COL4A2: variants seen among roughly 807,000 people sequenced by gnomAD.
COL4A2 encodes collagen alpha-2(IV) chain.
Under a neutral mutation model 200.2 loss-of-function variants are expected in COL4A2, and 99 were observed. That is an observed-to-expected ratio of 0.49 (90% confidence interval 0.42 to 0.58). The LOEUF (loss-of-function observed/expected upper bound fraction) is 0.58, where lower values mean the gene tolerates loss of function less well. Ranked by LOEUF, COL4A2 falls within the 20% of genes least tolerant of loss-of-function variation. The probability of loss-of-function intolerance (pLI) is 0.00; values close to 1 mark genes in which losing one functional copy is unlikely to be tolerated. For synonymous variants in COL4A2, 897 were observed against 900.6 expected, an observed-to-expected ratio of 1.00 and a Z score of 0.07; for missense variants, 1,950 against 2,314.1, an observed-to-expected ratio of 0.84 and a Z score of 3.23.
At chr13:110,335,702 A>C (rs1203343083) in intron 3 of COL4A2, among the ~76,000 whole-genome samples, 2 of 152,214 alleles carry the variant, frequency 1.3e-5, no homozygotes, top group Non-Finnish European at 2.9e-5. Flanking sequence ...CCATCACATG[A>C]CAAGGCTTGG....
In COL4A2 at chr13:110,432,373, TG is replaced by T; in HGVS notation, c.684+19del. Reference sequence around the variant, plus strand: ...AAAAGGACAGCAAGTAAGTTGGTTTTGGGGGGTGAGGATGAGGGAAGGGGGT... The same window carrying T: ...AAAAGGACAGCAAGTAAGTTGGTTTTGGGGGTGAGGATGAGGGAAGGGGGT... On this transcript the variant is annotated intron_variant, in intron 11 of 47. Coordinates refer to ENST00000360467, the MANE Select transcript of COL4A2 (RefSeq NM_001846.4). The T allele has an allele frequency of 1.2e-6, 2 of 1,603,864 alleles. No homozygotes were observed. Among genetic ancestry groups the T allele is most frequent in the Non-Finnish European group, 1.7e-6 (2 of 1,175,370 alleles).
At chr13:110,424,696 G>A (rs746943779) in intron 4 of COL4A2, 38 bp from the exon 5 acceptor site, 1 of 1,467,472 alleles carries the variant, frequency 6.8e-7, no homozygotes. Context: ...TATGTATTGT[G>A]ATTAATCGTG....
At position 110,465,551 on chromosome 13, in the gene COL4A2, T is replaced by G; in HGVS notation, c.1923T>G (p.Pro641=). 6.2e-7 allele frequency: 1 copy of G among 1,613,960 alleles called. No homozygotes were observed. Among genetic ancestry groups the G allele is most frequent in the African/African-American group, 1.3e-5 (1 of 75,040 alleles). Reference sequence around the variant, plus strand: ...GTTTCCCTGGAGACGCCGGCTTACCTGGACCACCAGGCTTCCTGGGCCCTC... The same window carrying G: ...GTTTCCCTGGAGACGCCGGCTTACCGGGACCACCAGGCTTCCTGGGCCCTC... The part of the protein sequence containing the change: ...QRGFPGDAGL[P]GPPGFLGPPG... The change falls in exon 25 of 48, where the codon CCT becomes CCG. Residue 641 remains proline, a synonymous_variant. Transcript: ENST00000360467.
intron 3 of COL4A2, among the ~76,000 whole-genome samples, chr13:110,310,414 G>T (rs550394492): frequency 6.6e-6 from 1 of 152,204 alleles, no homozygotes; most frequent in Non-Finnish European, 1.5e-5. Context: ...AGAGGCAGTT[G>T]AGATTACTTG....
intron 3 of COL4A2, among the ~76,000 whole-genome samples, chr13:110,333,257 C>T (rs942305180): frequency 3.9e-5 from 6 of 152,324 alleles, no homozygotes; most frequent in African/African-American, 1.4e-4. Context: ...ACAGAAGGAC[C>T]ACCGCTTACT....
rs375862642 is a variant in COL4A2 at position 110,412,840 on chromosome 13, C to T, written c.181-11894C>T. ...CTGATGTATCTCATCAGATGCTGAGCGCGGGCCTCACTGGCCCAGCCCTCC... is the reference window on the plus strand; with the variant it reads ...CTGATGTATCTCATCAGATGCTGAGTGCGGGCCTCACTGGCCCAGCCCTCC... On this transcript the variant is annotated intron_variant, in intron 4 of 47. Transcript: ENST00000360467. Among the ~76,000 whole-genome samples, 5 of 152,340 alleles carry T rather than the reference C, an allele frequency of 3.3e-5. No homozygotes were observed. In the South Asian group the frequency reaches 6.2e-4, roughly 19 times the overall value.
intron 24 of COL4A2, among the ~76,000 whole-genome samples, chr13:110,464,211 C>T (rs544069866): frequency 8.6e-4 from 131 of 152,296 alleles, no homozygotes; most frequent in African/African-American, 3.0e-3. Context: ...ACCCCTGCGG[C>T]TCCCAAGCCT....
chr13:110,393,695 A>G (rs899004492), intron 4 of COL4A2, among the ~76,000 whole-genome samples: 1 of 152,072 alleles, frequency 6.6e-6, no homozygotes. Context: ...CCTGGCCAAC[A>G]TGGTGAAACC....
intron 29 of COL4A2, among the ~76,000 whole-genome samples, chr13:110,473,823 G>A (rs554551740): frequency 1.3e-5 from 2 of 152,306 alleles, no homozygotes; most frequent in South Asian, 2.1e-4. Flanking sequence ...CTGCCATTCA[G>A]TGTTCCAAAT....
chr13:110,378,969 A>C (rs972779300), intron 4 of COL4A2, among the ~76,000 whole-genome samples: 1 of 152,160 alleles, frequency 6.6e-6, no homozygotes, highest in African/African-American at 2.4e-5. Flanking sequence ...GGCTCCTGTA[A>C]AGGGGAGATC....
chr13:110,430,040 G>T lies in COL4A2; in HGVS notation c.549+84G>T. ...CAAAGTTAATTGCCAAGTGAACTTT[G>T]CATGTAAGAATGAATGTACTGAAGG... On this transcript the variant is annotated intron_variant, in intron 8 of 47. Coordinates refer to ENST00000360467, the MANE Select transcript of COL4A2 (RefSeq NM_001846.4). 4.3e-6 allele frequency: 6 copies of T among 1,382,840 alleles called. 2 individuals carry two copies. In the South Asian group the frequency reaches 8.7e-5, roughly 20 times the overall value. 85.7% of individuals were successfully genotyped at this position (1,382,840 alleles called of 1,614,324 possible).
At chr13:110,410,889 C>G (rs748643358) in intron 4 of COL4A2, among the ~76,000 whole-genome samples, 6 of 151,908 alleles carry the variant, frequency 3.9e-5, no homozygotes, top group Non-Finnish European at 8.8e-5. Context: ...ACTCTTCCTT[C>G]TTGACTGCAC....
intron 4 of COL4A2, 40 bp downstream of exon 4, chr13:110,357,592 A>G: frequency 6.4e-7 from 1 of 1,553,202 alleles, no homozygotes; most frequent in Non-Finnish European, 8.7e-7. Context: ...TATCTTCCTC[A>G]TACAGTCATG....
rs115634388 is a variant in COL4A2 at position 110,472,439 on chromosome 13, T to C, written c.2204-490T>C. Among the ~76,000 whole-genome samples the C allele has an allele frequency of 5.4e-3, 819 of 152,244 alleles. 7 individuals carry two copies. Among genetic ancestry groups the C allele is most frequent in the African/African-American group, 0.019 (785 of 41,542 alleles). On this transcript the variant is annotated intron_variant, in intron 28 of 47. Transcript: ENST00000360467. ...TACAACAGAGGGGTGTCGTTCCTCT[T>C]TGAAGCGTTTCCCAACCGACAGTGA...
At chr13:110,385,522 T>TGCAGTGTGTGGA (rs1878671132) in intron 4 of COL4A2, among the ~76,000 whole-genome samples, 1 of 70,832 alleles carries the variant, frequency 1.4e-5, no homozygotes, top group Non-Finnish European at 3.5e-5. Flanking sequence ...TAGGCCGTGG[T>TGCAGTGTGTGGA]TACAGTGCGT....
intron 4 of COL4A2, among the ~76,000 whole-genome samples, chr13:110,400,692 T>C (rs996332053): frequency 6.6e-6 from 1 of 152,172 alleles, no homozygotes; most frequent in Non-Finnish European, 1.5e-5. Context: ...ATTAAAAAAG[T>C]TGTAATTCCA....
At chr13:110,332,161 T>C (rs1206448875) in intron 3 of COL4A2, among the ~76,000 whole-genome samples, 1 of 152,246 alleles carries the variant, frequency 6.6e-6, no homozygotes, top group African/African-American at 2.4e-5. Context: ...TTCAACCTTA[T>C]TATACTGTCT....
intron 4 of COL4A2, among the ~76,000 whole-genome samples, chr13:110,424,365 CATT>C (rs1424105033): frequency 6.7e-6 from 1 of 148,204 alleles, no homozygotes; most frequent in Admixed American, 6.9e-5. Flanking sequence ...TTACTGGATG[CATT>C]ATATTGAGGA....
rs112186130 is a variant in COL4A2 at position 110,312,720 on chromosome 13, A to C, written c.99+4597A>C. On this transcript the variant is annotated intron_variant, in intron 3 of 47. Transcript: ENST00000360467. ...GTGATCACTGCTGAAGGTAGGAGGC[A>C]ATGTCTGCAACCCCCAGCCTTGGCT... Among the ~76,000 whole-genome samples, 174 of 152,362 alleles carry C rather than the reference A, an allele frequency of 1.1e-3. 2 individuals carry two copies. Among genetic ancestry groups the C allele is most frequent in the African/African-American group, 3.8e-3 (160 of 41,584 alleles).
Sources: gnomAD v4.1 joint callset for allele counts (sites outside exome capture counted in the v4.1 genomes callset) on GRCh38, gnomAD v4.1.1 for gene constraint, MANE v1.5 for transcripts, NCBI Gene and HGNC (gene_info 2026-07-23, HGNC 2026-07-21) for gene names.